Variants in GPHN observed in about 807,000 individuals in gnomAD.
GPHN encodes the protein gephyrin.
In GPHN, 17 loss-of-function variants were observed where a neutral mutation model predicts 95.5. The ratio of observed to expected loss-of-function variants is 0.18; its 90% CI spans 0.12 to 0.27. The LOEUF (loss-of-function observed/expected upper bound fraction) is 0.27. GPHN is among the 10% of genes least tolerant of loss of function. GPHN has a pLI of 1.00. For missense variants in GPHN, 660 were observed against 978.1 expected (o/e 0.67, Z 4.34); for synonymous variants, 320 against 322.5 (o/e 0.99, Z 0.08).
chr14:67,383,865 A>G, the GPHN span: 5 of 233,648 alleles, frequency 2.1e-5, no homozygotes, highest in Non-Finnish European at 4.3e-5. Context: ...ATTTAACTAT[A>G]GGCTTCTTCC....
chr14:67,385,765 A>G, the GPHN span: 1 of 149,064 alleles, frequency 6.7e-6, no homozygotes, highest in East Asian at 2.0e-4. Flanking sequence ...AGTGTGAGCC[A>G]CCATGCCCCA....
chr14:67,426,094 T>C, the GPHN span, among the ~76,000 whole-genome samples: 1 of 152,024 alleles, frequency 6.6e-6, no homozygotes, highest in African/African-American at 2.4e-5. Context: ...AAAACATCTC[T>C]GAGTGGTTTA....
chr14:67,034,347 G>C (rs1298347399), intron 10 of GPHN, among the ~76,000 whole-genome samples: 3 of 152,044 alleles, frequency 2.0e-5, no homozygotes, highest in East Asian at 3.9e-4. Context: ...AAATGAGAAA[G>C]TAATCAAAGC....
chr14:67,561,874 A>T, the GPHN span: 2 of 1,076,168 alleles, frequency 1.9e-6, no homozygotes, highest in Non-Finnish European at 2.7e-6. Flanking sequence ...TGTCTCAAAA[A>T]AAAAAAAAAA....
chr14:67,583,478 T>C, the GPHN span, among the ~76,000 whole-genome samples: 1 of 152,200 alleles, frequency 6.6e-6, no homozygotes, highest in Non-Finnish European at 1.5e-5. Flanking sequence ...CGGCTACCAA[T>C]TAACTGTGTC....
At chr14:67,421,997 G>GCAATCT in the GPHN span, among the ~76,000 whole-genome samples, 1 of 152,156 alleles carries the variant, frequency 6.6e-6, no homozygotes, top group Admixed American at 6.5e-5. Flanking sequence ...ATGTTGCAAT[G>GCAATCT]TTTTGACATC....
the GPHN span, among the ~76,000 whole-genome samples, chr14:67,442,468 G>A: frequency 6.6e-6 from 1 of 152,178 alleles, no homozygotes; most frequent in South Asian, 2.1e-4. Context: ...CCAGAAGGCA[G>A]AGTGAACGAG....
At chr14:67,555,452 C>T in the GPHN span, among the ~76,000 whole-genome samples, 4 of 152,118 alleles carry the variant, frequency 2.6e-5, no homozygotes, top group South Asian at 2.1e-4. Flanking sequence ...GCCCCACCTT[C>T]GACCCAATGC....
At chr14:67,366,041 C>G in the GPHN span, among the ~76,000 whole-genome samples, 2 of 151,320 alleles carry the variant, frequency 1.3e-5, no homozygotes, top group Non-Finnish European at 2.9e-5. Context: ...GTCTTCACAT[C>G]ACTGTCCTAG....
the GPHN span, among the ~76,000 whole-genome samples, chr14:67,553,336 G>T: frequency 6.6e-6 from 1 of 151,968 alleles, no homozygotes; most frequent in Non-Finnish European, 1.5e-5. Context: ...AAAAGAAAAT[G>T]CTCCTCATCA....
chr14:66,615,612 A>G (rs552868651), intron 1 of GPHN, among the ~76,000 whole-genome samples: 1 of 151,642 alleles, frequency 6.6e-6, no homozygotes, highest in Non-Finnish European at 1.5e-5. Context: ...GATTCTGGAT[A>G]TTAGACCTTT....
chr14:67,642,144 T>C, the GPHN span: 41 of 1,596,352 alleles, frequency 2.6e-5, no homozygotes, highest in Non-Finnish European at 3.3e-5. Context: ...GAGTTGGAGA[T>C]AGCACAGAAA....
chr14:66,642,939 T>G (rs567923122), intron 1 of GPHN, among the ~76,000 whole-genome samples: 1 of 127,648 alleles, frequency 7.8e-6, no homozygotes, highest in East Asian at 2.5e-4. Flanking sequence ...AGGGAAAGAT[T>G]TCTTAATAAT....
At chr14:66,513,817 T>C (rs1393503704) in intron 1 of GPHN, among the ~76,000 whole-genome samples, 3 of 151,928 alleles carry the variant, frequency 2.0e-5, no homozygotes, top group African/African-American at 7.2e-5. Context: ...CTTTAATGAA[T>C]TTATAAACTA....
intron 1 of GPHN, among the ~76,000 whole-genome samples, chr14:66,663,879 A>C (rs2065799825): frequency 6.6e-6 from 1 of 152,218 alleles, no homozygotes; most frequent in South Asian, 2.1e-4. Context: ...ATAAAGACAA[A>C]GAAGAAGGGC....
Position 66,627,373 on chromosome 14 carries a change from C to T in GPHN, c.65-53734C>T, listed in dbSNP as rs536810436. Among the ~76,000 whole-genome samples, 23 of 152,034 alleles carry T rather than the reference C, an allele frequency of 1.5e-4. 1 individual carries two copies. The highest frequency in any genetic ancestry group is 8.3e-4 in the South Asian group (4 of 4,820). Reference sequence around the variant, plus strand: ...TATCAAACTGGAACATGCTTCCCCCCGCCCCCAACATTGTTTCTCAGATAC... The same window carrying T: ...TATCAAACTGGAACATGCTTCCCCCTGCCCCCAACATTGTTTCTCAGATAC... On this transcript the variant is annotated intron_variant, in intron 1 of 22. Transcript: ENST00000478722.
intron 8 of GPHN, among the ~76,000 whole-genome samples, chr14:66,932,708 T>G (rs1410300667): frequency 6.6e-6 from 1 of 151,710 alleles, no homozygotes; most frequent in Non-Finnish European, 1.5e-5. Flanking sequence ...TGATGTTTAT[T>G]CAAGGCCCAA....
the GPHN span, among the ~76,000 whole-genome samples, chr14:67,314,268 A>C: frequency 1.4e-4 from 21 of 152,214 alleles, no homozygotes; most frequent in African/African-American, 5.1e-4. Context: ...AGTTGTCCAA[A>C]GATTTTAGAA....
chr14:67,007,916 G>A (rs1288201574), intron 9 of GPHN, among the ~76,000 whole-genome samples: 2 of 152,218 alleles, frequency 1.3e-5, no homozygotes, highest in East Asian at 1.9e-4. Flanking sequence ...AACTAGACTC[G>A]TTTTTCATTC....
Sources: gnomAD v4.1 joint callset for allele counts (sites outside exome capture counted in the v4.1 genomes callset) on GRCh38, gnomAD v4.1.1 for gene constraint, MANE v1.5 for transcripts, NCBI Gene and HGNC (gene_info 2026-07-23, HGNC 2026-07-21) for gene names.